Variants in THADA observed in about 807,000 individuals in gnomAD.
THADA encodes THADA armadillo repeat containing.
Under a neutral mutation model 219.8 loss-of-function variants are expected in THADA, and 213 were observed. The observed-to-expected ratio is 0.97, with a 90% CI of 0.87 to 1.09. THADA has a LOEUF of 1.09. Ranked by LOEUF, THADA falls within the 50% of genes least tolerant of loss-of-function variation. THADA has a pLI of 0.00. For synonymous variants in THADA, 1,018 were observed against 828.9 expected (o/e 1.23, Z -3.92); for missense variants, 2,956 against 2,311.3 (o/e 1.28, Z -5.72).
chr2:43,489,611 C>T (rs1163047897), intron 25 of THADA, among the ~76,000 whole-genome samples: 2 of 151,788 alleles, frequency 1.3e-5, no homozygotes, highest in Non-Finnish European at 2.9e-5. Flanking sequence ...TCCAGTTGTC[C>T]CCGTACCATT....
At chr2:43,360,268 C>T (rs79321342) in intron 29 of THADA, among the ~76,000 whole-genome samples, 3,864 of 152,228 alleles carry the variant, frequency 0.025, 71 homozygotes, top group Middle Eastern at 0.078. Context: ...CGTTTTATCT[C>T]CTATAGAGCC....
intron 29 of THADA, among the ~76,000 whole-genome samples, chr2:43,378,581 C>T (rs1476666586): frequency 1.3e-5 from 2 of 152,082 alleles, no homozygotes; most frequent in Non-Finnish European, 2.9e-5. Flanking sequence ...ATTATAATAA[C>T]AGATGTCATA....
chr2:43,594,930 G>C (rs1701981156), intron 1 of THADA, among the ~76,000 whole-genome samples: 1 of 152,094 alleles, frequency 6.6e-6, no homozygotes, highest in African/African-American at 2.4e-5. Flanking sequence ...TTTCTTCATA[G>C]CACTTACTAG....
intron 36 of THADA, among the ~76,000 whole-genome samples, chr2:43,246,388 G>C (rs1279508315): frequency 6.6e-6 from 1 of 152,162 alleles, no homozygotes; most frequent in Non-Finnish European, 1.5e-5. Context: ...CCAGCTACTT[G>C]GGAGGCTGAG....
intron 13 of THADA, among the ~76,000 whole-genome samples, chr2:43,570,862 T>G (rs1003254502): frequency 3.3e-5 from 5 of 152,160 alleles, no homozygotes; most frequent in African/African-American, 1.2e-4. Flanking sequence ...GCTTAAACTA[T>G]AAAAATGCTG....
At position 43,572,866 on chromosome 2, in the gene THADA, TTCTCCCAGGTA is replaced by T; in HGVS notation, c.1845_1855del (p.Asp615GlufsTer5). 6.2e-7 allele frequency: 1 copy of T among 1,613,882 alleles called. No individual in the cohort carries two copies. The highest frequency in any genetic ancestry group is 1.1e-5 in the South Asian group (1 of 91,076). On this transcript the variant is annotated frameshift_variant, in exon 12 of 38. Transcript: ENST00000405975. LOFTEE classifies it high-confidence loss of function. Reference sequence around the variant, plus strand: ...CTTTATTCTTGCATCAGACACGAGGTTCTCCCAGGTATCAGTTGCAGACTGAAGATGTCCAT... The same window carrying T: ...CTTTATTCTTGCATCAGACACGAGGTTCAGTTGCAGACTGAAGATGTCCAT...
chr2:43,439,702 T>C lies in THADA; in HGVS notation c.3837-9400A>G, dbSNP rs151282414. 2.4e-3 allele frequency among the ~76,000 whole-genome samples: 371 copies of C among 152,320 alleles called. 2 individuals are homozygous for C. Among genetic ancestry groups the C allele is most frequent in the Middle Eastern group, 0.01 (3 of 294 alleles). On this transcript the variant is annotated intron_variant, in intron 26 of 37. Transcript: ENST00000405975. ...AAACTTCATCACAGCTATGAGTGCA[T>C]AGGAAAAAATATAGTGTATATACGG... is the stretch of plus-strand genomic sequence containing the variant.
At chr2:43,493,515 G>A (rs1687909312) in intron 25 of THADA, among the ~76,000 whole-genome samples, 1 of 152,024 alleles carries the variant, frequency 6.6e-6, no homozygotes, top group Non-Finnish European at 1.5e-5. Context: ...AACCCAGTGT[G>A]GGTCTTAGAA....
chr2:43,387,578 C>T (rs1672844393), intron 29 of THADA, among the ~76,000 whole-genome samples: 1 of 151,068 alleles, frequency 6.6e-6, no homozygotes, highest in South Asian at 2.1e-4. Flanking sequence ...TGTATCACAC[C>T]TTGTCCCACA....
intron 36 of THADA, among the ~76,000 whole-genome samples, chr2:43,259,536 A>G (rs1670705473): frequency 6.6e-6 from 1 of 152,246 alleles, no homozygotes; most frequent in African/African-American, 2.4e-5. Context: ...CTAGACTTAA[A>G]AAGATTACAG....
chr2:43,477,581 GT>G (rs1233703122), intron 26 of THADA, among the ~76,000 whole-genome samples: 1 of 152,170 alleles, frequency 6.6e-6, no homozygotes, highest in Non-Finnish European at 1.5e-5. Context: ...CCAGCCAGTG[GT>G]ACAGAATGCA....
At position 43,449,177 on chromosome 2, in the gene THADA, T is replaced by G. The variant is rs186838231; in HGVS notation, c.3837-18875A>C. On this transcript the variant is annotated intron_variant, in intron 26 of 37. Coordinates refer to ENST00000405975, the MANE Select transcript of THADA (RefSeq NM_022065.5). The stretch of plus-strand genomic sequence containing the variant: ...ACCTACCACTAAAATGTACAAGAAC[T>G]GAAGTAAAAAATTCATTAGAGGGAT... Among the ~76,000 whole-genome samples the G allele has an allele frequency of 2.0e-5, 3 of 152,058 alleles. No homozygotes were observed. In the East Asian group the frequency reaches 5.8e-4, roughly 29 times the overall value.
chr2:43,587,344 C>T (rs1701131404), intron 4 of THADA, among the ~76,000 whole-genome samples: 2 of 152,204 alleles, frequency 1.3e-5, no homozygotes, highest in African/African-American at 4.8e-5. Flanking sequence ...ACAAGGTCCT[C>T]CCGATACAAT....
chr2:43,589,682 G>T (rs911768587), intron 4 of THADA, among the ~76,000 whole-genome samples: 1 of 152,164 alleles, frequency 6.6e-6, no homozygotes, highest in Non-Finnish European at 1.5e-5. Flanking sequence ...AGACTCAGGG[G>T]AAAGGGTGGG....
intron 26 of THADA, among the ~76,000 whole-genome samples, chr2:43,431,510 G>A (rs186636010): frequency 1.3e-5 from 2 of 152,092 alleles, no homozygotes; most frequent in African/African-American, 4.8e-5. Flanking sequence ...CTGTTGCCCA[G>A]GCTGGAGTGC....
chr2:43,521,491 G>C (rs1388105756), intron 22 of THADA, among the ~76,000 whole-genome samples: 1 of 152,208 alleles, frequency 6.6e-6, no homozygotes, highest in Non-Finnish European at 1.5e-5. Context: ...GGGAGACAGA[G>C]GTTGCAGTGA....
chr2:43,262,925 G>T (rs1178780650), intron 36 of THADA, among the ~76,000 whole-genome samples: 1 of 152,152 alleles, frequency 6.6e-6, no homozygotes, highest in Non-Finnish European at 1.5e-5. Context: ...TCTTGAGACT[G>T]GCGTCCCCTC....
At chr2:43,324,162 A>T (rs1369005342) in intron 30 of THADA, among the ~76,000 whole-genome samples, 2 of 152,188 alleles carry the variant, frequency 1.3e-5, no homozygotes, top group African/African-American at 4.8e-5. Flanking sequence ...TCTGATGAGG[A>T]GCCTGGTTTC....
intron 26 of THADA, chr2:43,430,602 C>A: frequency 4.3e-6 from 2 of 470,548 alleles, no homozygotes; most frequent in Non-Finnish European, 8.4e-6. Flanking sequence ...TGCCAAGTTT[C>A]CACAACTGAT....
Sources: gnomAD v4.1 joint callset for allele counts (sites outside exome capture counted in the v4.1 genomes callset) on GRCh38, gnomAD v4.1.1 for gene constraint, MANE v1.5 for transcripts, NCBI Gene and HGNC (gene_info 2026-07-23, HGNC 2026-07-21) for gene names.